Variants in LHFPL3 observed in about 807,000 individuals in gnomAD.
The protein encoded by LHFPL3 is LHFPL tetraspan subfamily member 3 protein.
LHFPL3 carries 5 observed loss-of-function variants against 19.3 expected under a neutral mutation model. The ratio of observed to expected loss-of-function variants is 0.26; its 90% confidence interval spans 0.14 to 0.54. The LOEUF (loss-of-function observed/expected upper bound fraction) is 0.54, where lower values mean the gene tolerates loss of function less well. LHFPL3 is among the 20% of genes least tolerant of loss of function. The probability of loss-of-function intolerance (pLI) is 0.94; values close to 1 mark genes in which losing one functional copy is unlikely to be tolerated. For missense variants in LHFPL3, 249 were observed against 307.4 expected, an observed-to-expected ratio of 0.81 and a Z score of 1.42; for synonymous variants, 133 against 126.2, an observed-to-expected ratio of 1.05 and a Z score of -0.36.
At chr7:104,540,878 A>C (rs989087822) in intron 1 of LHFPL3, among the ~76,000 whole-genome samples, 1 of 152,082 alleles carries the variant, frequency 6.6e-6, no homozygotes, top group Non-Finnish European at 1.5e-5. Flanking sequence ...CCCCACTTCC[A>C]CTACTTTAGC....
intron 1 of LHFPL3, among the ~76,000 whole-genome samples, chr7:104,720,722 G>A (rs1455505732): frequency 1.3e-5 from 2 of 152,150 alleles, no homozygotes; most frequent in African/African-American, 2.4e-5. Flanking sequence ...CAAAAAGTGG[G>A]CGAAGGATAT....
intron 1 of LHFPL3, among the ~76,000 whole-genome samples, chr7:104,497,410 CAG>C (rs1793505275): frequency 6.6e-6 from 1 of 150,934 alleles, no homozygotes; most frequent in Non-Finnish European, 1.5e-5. Context: ...TACACACACA[CAG>C]GTACACATAT....
chr7:104,635,277 A>T (rs1363402289), intron 1 of LHFPL3, among the ~76,000 whole-genome samples: 1 of 152,178 alleles, frequency 6.6e-6, no homozygotes, highest in Admixed American at 6.5e-5. Flanking sequence ...GTTTAAATAA[A>T]TGAAAGATAA....
At chr7:104,692,045 C>G (rs1476847524) in intron 1 of LHFPL3, among the ~76,000 whole-genome samples, 1 of 152,122 alleles carries the variant, frequency 6.6e-6, no homozygotes, top group Admixed American at 6.6e-5. Flanking sequence ...GGCATTTTTC[C>G]CCTGCCCTAG....
intron 1 of LHFPL3, among the ~76,000 whole-genome samples, chr7:104,432,312 T>C (rs1194108203): frequency 2.0e-5 from 3 of 152,194 alleles, no homozygotes; most frequent in African/African-American, 4.8e-5. Flanking sequence ...GGTTGGCTCA[T>C]TATCTTGTCA....
chr7:104,498,496 G>GTTT (rs35269120), intron 1 of LHFPL3, among the ~76,000 whole-genome samples: 13 of 134,832 alleles, frequency 9.6e-5, no homozygotes, highest in African/African-American at 1.6e-4. Flanking sequence ...TGGAAGCAAT[G>GTTT]TTTTTTTTTT....
chr7:104,587,949 C>T (rs1014880580), intron 1 of LHFPL3, among the ~76,000 whole-genome samples: 19 of 152,072 alleles, frequency 1.2e-4, no homozygotes, highest in African/African-American at 4.6e-4. Flanking sequence ...TATCTTTTGC[C>T]CACTTGTTAA....
chr7:104,833,330 TAATAGG>T (rs1791022627), intron 2 of LHFPL3, among the ~76,000 whole-genome samples: 17 of 16,872 alleles, frequency 1.0e-3, no homozygotes, highest in African/African-American at 3.2e-3. Context: ...ATTATATATA[TAATAGG>T]ATATATATAT....
chr7:104,665,277 T>C (rs779648717), intron 1 of LHFPL3, among the ~76,000 whole-genome samples: 19 of 152,218 alleles, frequency 1.2e-4, no homozygotes, highest in African/African-American at 4.1e-4. Context: ...TTGGCTTTCC[T>C]GTATAGTTTT....
intron 2 of LHFPL3, among the ~76,000 whole-genome samples, chr7:104,887,205 T>C (rs1171065521): frequency 1.3e-5 from 2 of 152,202 alleles, no homozygotes; most frequent in African/African-American, 4.8e-5. Context: ...ATGATTCCCT[T>C]GTAGGAAATA....
intron 2 of LHFPL3, among the ~76,000 whole-genome samples, chr7:104,883,934 C>G (rs1417941936): frequency 6.6e-6 from 1 of 152,092 alleles, no homozygotes; most frequent in East Asian, 1.9e-4. Context: ...TCCCTTTGAG[C>G]CCGCATAACC....
chr7:104,385,169 T>C lies in LHFPL3; in HGVS notation c.445+55945T>C, dbSNP rs115610662. Reference sequence around the variant, plus strand: ...GAGGAACAAAGCAGAAGTTAAGATCTGAATAGTTTATCAGGACTTGGTAGC... The same window carrying C: ...GAGGAACAAAGCAGAAGTTAAGATCCGAATAGTTTATCAGGACTTGGTAGC... On this transcript the variant is annotated intron_variant, in intron 1 of 2. Transcript: ENST00000424859. 6.7e-3 allele frequency among the ~76,000 whole-genome samples: 1,014 copies of C among 152,308 alleles called. 11 individuals carry two copies. The highest frequency in any genetic ancestry group is 0.023 in the African/African-American group (968 of 41,568).
At position 104,507,300 on chromosome 7, in the gene LHFPL3, C is replaced by A. The variant is rs10257706; in HGVS notation, c.445+178076C>A. 3.2e-3 allele frequency among the ~76,000 whole-genome samples: 427 copies of A among 131,730 alleles called. 29 individuals are homozygous for A. Among genetic ancestry groups the A allele is most frequent in the African/African-American group, 0.011 (388 of 34,020 alleles). 86.4% of individuals were successfully genotyped at this position (131,730 alleles called of 152,430 possible). ...ACAGAACAGAGCCCTCAGAAATAAC[C>A]CCGCATATCTACAACTATCAGATCT... On this transcript the variant is annotated intron_variant, in intron 1 of 2. Coordinates refer to ENST00000424859, the MANE Select transcript of LHFPL3 (RefSeq NM_199000.3).
intron 2 of LHFPL3, among the ~76,000 whole-genome samples, chr7:104,901,412 G>A (rs1007341917): frequency 1.3e-5 from 2 of 152,146 alleles, no homozygotes; most frequent in African/African-American, 2.4e-5. Flanking sequence ...TCATGCAGTA[G>A]GAAGAAAAAA....
chr7:104,720,059 A>G (rs1019453609), intron 1 of LHFPL3, among the ~76,000 whole-genome samples: 1 of 152,180 alleles, frequency 6.6e-6, no homozygotes, highest in Non-Finnish European at 1.5e-5. Flanking sequence ...GCAGAAGAAC[A>G]TGGCTCTGGC....
chr7:104,660,133 C>G (rs1309935342), intron 1 of LHFPL3, among the ~76,000 whole-genome samples: 1 of 151,986 alleles, frequency 6.6e-6, no homozygotes, highest in Non-Finnish European at 1.5e-5. Context: ...TCCGAAGTAG[C>G]TGGGACTACA....
At chr7:104,635,386 T>C (rs1384527800) in intron 1 of LHFPL3, among the ~76,000 whole-genome samples, 1 of 152,048 alleles carries the variant, frequency 6.6e-6, no homozygotes, top group Non-Finnish European at 1.5e-5. Context: ...CATAATGAAA[T>C]TGCAGAACAT....
intron 2 of LHFPL3, among the ~76,000 whole-genome samples, chr7:104,813,079 A>T (rs1386418046): frequency 6.6e-6 from 1 of 152,046 alleles, no homozygotes; most frequent in African/African-American, 2.4e-5. Context: ...ATGCCACTGC[A>T]CTCCAGGCTA....
intron 1 of LHFPL3, among the ~76,000 whole-genome samples, chr7:104,334,762 A>G (rs1789750473): frequency 6.6e-6 from 1 of 152,150 alleles, no homozygotes; most frequent in South Asian, 2.1e-4. Flanking sequence ...AATGATCTTT[A>G]TTACAGCATT....
Sources: allele counts gnomAD v4.1 joint callset (sites outside exome capture counted in the v4.1 genomes callset), GRCh38; gene constraint gnomAD v4.1.1; transcripts MANE v1.5; gene names NCBI Gene and HGNC (gene_info 2026-07-23, HGNC 2026-07-21).